Variants in IL1RAPL1 observed in about 807,000 individuals in gnomAD.
IL1RAPL1 encodes the protein interleukin 1 receptor accessory protein like 1.
A neutral mutation model predicts 48.4 loss-of-function variants in IL1RAPL1; 3 were observed. The ratio of observed to expected loss-of-function variants is 0.06; its 90% CI spans 0.03 to 0.16. The LOEUF (loss-of-function observed/expected upper bound fraction) is 0.16, where lower values mean the gene tolerates loss of function less well. Among genes scored for constraint, IL1RAPL1 ranks in the 10% least tolerant of loss-of-function variants. The pLI, the probability that IL1RAPL1 is intolerant of heterozygous loss-of-function variation, is 1.00. For synonymous variants in IL1RAPL1, 185 were observed against 187.7 expected (o/e 0.99, Z 0.12); for missense variants, 349 against 530.6 (o/e 0.66, Z 3.36).
chrX:29,895,130 A>G (rs1468601580), intron 6 of IL1RAPL1, among the ~76,000 whole-genome samples: 1 of 110,083 alleles, frequency 9.1e-6, no homozygotes, highest in Non-Finnish European at 1.9e-5. Context: ...GGCCCCATTC[A>G]TCTGTTCTTT....
intron 2 of IL1RAPL1, among the ~76,000 whole-genome samples, chrX:29,008,094 T>A (rs1926026714): frequency 9.0e-6 from 1 of 111,583 alleles, no homozygotes; most frequent in East Asian, 2.8e-4. Flanking sequence ...CTCTCCCTTC[T>A]GGGTTCAAGC....
intron 2 of IL1RAPL1, among the ~76,000 whole-genome samples, chrX:28,849,237 G>A (rs1921593765): frequency 1.8e-5 from 2 of 111,047 alleles, no homozygotes; most frequent in African/African-American, 3.3e-5. Context: ...GGCTGAATGT[G>A]TTGGAAGTAT....
At chrX:29,023,692 C>T (rs968853257) in intron 2 of IL1RAPL1, among the ~76,000 whole-genome samples, 12 of 112,221 alleles carry the variant, frequency 1.1e-4, no homozygotes, top group African/African-American at 3.9e-4. Context: ...GTTTTAGCAT[C>T]TATTATTTGA....
At chrX:28,643,136 G>T (rs1025134297) in intron 1 of IL1RAPL1, among the ~76,000 whole-genome samples, 1 of 111,367 alleles carries the variant, frequency 9.0e-6, no homozygotes, top group African/African-American at 3.3e-5. Context: ...TGATCCGCCC[G>T]CCTTGGCCTC....
At chrX:29,806,608 G>C (rs1326981579) in intron 6 of IL1RAPL1, among the ~76,000 whole-genome samples, 1 of 110,251 alleles carries the variant, frequency 9.1e-6, no homozygotes, top group South Asian at 3.9e-4. Context: ...CTTCAGGTGA[G>C]CAGACAAGCC....
intron 2 of IL1RAPL1, among the ~76,000 whole-genome samples, chrX:29,022,835 A>G (rs769498631): frequency 1.8e-5 from 2 of 111,779 alleles, no homozygotes; most frequent in Non-Finnish European, 3.8e-5. Flanking sequence ...ACTCTTTATC[A>G]CCAATCTATA....
chrX:29,074,757 G>A (rs759652875), intron 2 of IL1RAPL1, among the ~76,000 whole-genome samples: 7 of 111,661 alleles, frequency 6.3e-5, no homozygotes, highest in Non-Finnish European at 9.4e-5. Context: ...CAGTATTTCT[G>A]GTGTTCATCT....
At chrX:29,550,178 A>ATTCTTTTCTT (rs201464853) in intron 5 of IL1RAPL1, among the ~76,000 whole-genome samples, 8 of 111,041 alleles carry the variant, frequency 7.2e-5, no homozygotes, top group African/African-American at 1.6e-4. Context: ...AATTTTAGAA[A>ATTCTTTTCTT]TTCTTTTCTT....
intron 2 of IL1RAPL1, among the ~76,000 whole-genome samples, chrX:29,205,901 AT>A (rs59415156): frequency 2.8e-4 from 28 of 101,746 alleles, no homozygotes; most frequent in Middle Eastern, 4.8e-3. Flanking sequence ...CACCCAGCTA[AT>A]TTTTTTTTTT....
chrX:29,860,323 G>A (rs1267796757), intron 6 of IL1RAPL1, among the ~76,000 whole-genome samples: 1 of 112,110 alleles, frequency 8.9e-6, no homozygotes, highest in African/African-American at 3.2e-5. Flanking sequence ...GTAAAAGCCA[G>A]TCACAGAGTT....
intron 2 of IL1RAPL1, among the ~76,000 whole-genome samples, chrX:29,181,740 A>G (rs1930147840): frequency 8.9e-6 from 1 of 112,057 alleles, no homozygotes; most frequent in African/African-American, 3.2e-5. Flanking sequence ...TATTTATATA[A>G]CTGCTAATTC....
chrX:29,226,276 T>C (rs12556524), intron 2 of IL1RAPL1, among the ~76,000 whole-genome samples: 46,834 of 109,953 alleles, frequency 0.43, 9,685 homozygotes, highest in Non-Finnish European at 0.64. Flanking sequence ...CCTGATGAGA[T>C]GAAATTTGGA....
chrX:29,191,164 G>A (rs1176370274), intron 2 of IL1RAPL1, among the ~76,000 whole-genome samples: 3 of 111,606 alleles, frequency 2.7e-5, no homozygotes, highest in Non-Finnish European at 5.6e-5. Flanking sequence ...ATCAAACAAG[G>A]TTAAATGTGG....
At chrX:29,134,389 C>A (rs1405801283) in intron 2 of IL1RAPL1, among the ~76,000 whole-genome samples, 6 of 112,078 alleles carry the variant, frequency 5.4e-5, no homozygotes, top group Non-Finnish European at 1.1e-4. Context: ...GGATTTTACC[C>A]AATCTAATGT....
intron 1 of IL1RAPL1, among the ~76,000 whole-genome samples, chrX:28,709,450 A>T (rs749312977): frequency 2.7e-5 from 3 of 111,814 alleles, no homozygotes; most frequent in Admixed American, 9.5e-5. Context: ...AACCCAGGTA[A>T]TCTGACTTCA....
In IL1RAPL1 at chrX:29,227,125, G is replaced by A. The variant is rs191065434; in HGVS notation, c.83-55813G>A. On this transcript the variant is annotated intron_variant, in intron 2 of 10. Coordinates refer to ENST00000378993, the MANE Select transcript of IL1RAPL1 (RefSeq NM_014271.4). ...ATTAGAATAATCAACATTCTAAAAT[G>A]CAATCATTAGCATATTTGGCATAGA... Among the ~76,000 whole-genome samples, 18 of 109,724 alleles carry A rather than the reference G, an allele frequency of 1.6e-4. No homozygotes were observed. The East Asian group carries it at 4.9e-3, about 30-fold the overall frequency.
chrX:29,662,024 A>G (rs781293356), intron 5 of IL1RAPL1, among the ~76,000 whole-genome samples: 10 of 111,155 alleles, frequency 9.0e-5, no homozygotes, highest in Non-Finnish European at 1.9e-4. Flanking sequence ...CTCTGGTACA[A>G]ATGCTACTTG....
At chrX:29,323,767 ATATATATATATATATATCCCCTTC>A (rs1932825155) in intron 3 of IL1RAPL1, among the ~76,000 whole-genome samples, 1 of 38,940 alleles carries the variant, frequency 2.6e-5, no homozygotes, top group Admixed American at 3.9e-4. Context: ...ATATATATAT[ATATATATATATATATATCCCCTTC>A]TTCTTTAGCA....
intron 2 of IL1RAPL1, among the ~76,000 whole-genome samples, chrX:29,090,873 A>G (rs1928073795): frequency 8.9e-6 from 1 of 112,599 alleles, no homozygotes; most frequent in Non-Finnish European, 1.9e-5. Flanking sequence ...ACTCAAAACC[A>G]TAGAGGCTGA....
Sources: gnomAD v4.1 joint callset for allele counts (sites outside exome capture counted in the v4.1 genomes callset) on GRCh38, gnomAD v4.1.1 for gene constraint, MANE v1.5 for transcripts, NCBI Gene and HGNC (gene_info 2026-07-23, HGNC 2026-07-21) for gene names.